LRRIQ1: variants seen among roughly 807,000 people sequenced by gnomAD.
LRRIQ1 encodes the protein leucine rich repeats and IQ motif containing 1.
LRRIQ1 carries 210 observed loss-of-function variants against 211.9 expected under a neutral mutation model. The ratio of observed to expected loss-of-function variants is 0.99; its 90% CI spans 0.89 to 1.11. The LOEUF (loss-of-function observed/expected upper bound fraction) is 1.11. LRRIQ1 is among the 50% of genes most tolerant of loss of function. LRRIQ1 has a pLI of 0.00. For missense variants in LRRIQ1, 2,136 were observed against 1,939.5 expected (o/e 1.10, Z -1.90); for synonymous variants, 699 against 650.1 (o/e 1.08, Z -1.14).
intron 4 of LRRIQ1, 141 bp downstream of exon 4, chr12:85,044,950 G>T: frequency 2.4e-6 from 1 of 412,774 alleles, no homozygotes; most frequent in Non-Finnish European, 4.4e-6. Flanking sequence ...AATCATCTGT[G>T]GTTTTATGGT....
At chr12:85,212,301 A>T (rs1893872557) in intron 24 of LRRIQ1, among the ~76,000 whole-genome samples, 1 of 152,106 alleles carries the variant, frequency 6.6e-6, no homozygotes, top group African/African-American at 2.4e-5. Context: ...AAAACAAACA[A>T]AAAACACCAC....
At position 85,066,877 on chromosome 12, in the gene LRRIQ1, T is replaced by C. The variant is rs749174792; in HGVS notation, c.2674T>C (p.Tyr892His). 8 of 1,518,186 alleles carry C rather than the reference T, an allele frequency of 5.3e-6. No individual in the cohort carries two copies. The Admixed American group carries it at 7.9e-5, about 15-fold the overall frequency. 94.0% of individuals were successfully genotyped at this position (1,518,186 alleles called of 1,614,324 possible). A position where few individuals can be genotyped will look rare whatever the true frequency, so the allele number is the denominator to read the frequency against. Residue 892 changes from tyrosine to histidine, a missense_variant, in exon 10 of 27, where the codon TAT becomes CAT. Transcript: ENST00000393217. Reference protein sequence around the residue: ...CTNIQCLELSYNKITRIGYSF... With the variant: ...CTNIQCLELSHNKITRIGYSF... Reference sequence around the variant, plus strand: ...TAATATTCAGTGTCTTGAACTTTCATATAATAAAATTACTCGAATTGGTAA... The same window carrying C: ...TAATATTCAGTGTCTTGAACTTTCACATAATAAAATTACTCGAATTGGTAA...
chr12:85,225,006 A>C (rs1461818068), intron 24 of LRRIQ1, among the ~76,000 whole-genome samples: 1 of 152,160 alleles, frequency 6.6e-6, no homozygotes, highest in Non-Finnish European at 1.5e-5. Flanking sequence ...CTCACTGAAA[A>C]ATAGGATATG....
intron 24 of LRRIQ1, among the ~76,000 whole-genome samples, chr12:85,227,692 A>C (rs1894730041): frequency 6.6e-6 from 1 of 152,188 alleles, no homozygotes; most frequent in African/African-American, 2.4e-5. Flanking sequence ...ATATGGAACC[A>C]AAAAAGAGCC....
At chr12:85,217,542 GTGTGTGTGTA>G (rs1338190427) in intron 24 of LRRIQ1, among the ~76,000 whole-genome samples, 107 of 112,444 alleles carry the variant, frequency 9.5e-4, no homozygotes, top group African/African-American at 3.5e-3. Context: ...GTGTGTGTGT[GTGTGTGTGTA>G]TATAGGTATA....
intron 11 of LRRIQ1, among the ~76,000 whole-genome samples, chr12:85,091,328 C>T (rs912025019): frequency 5.3e-5 from 8 of 152,042 alleles, no homozygotes; most frequent in African/African-American, 1.2e-4. Flanking sequence ...GTCCTTTGCG[C>T]GTGTTTTAAT....
In LRRIQ1 at chr12:85,056,373, T is replaced by G; in HGVS notation, c.1580T>G (p.Leu527Trp). Reference sequence around the variant, plus strand: ...GGAAATCTGAAAGAACAGTTTCCATTGCAAGAATTAAAGTCTGATGCACAA... The same window carrying G: ...GGAAATCTGAAAGAACAGTTTCCATGGCAAGAATTAAAGTCTGATGCACAA... ...LKGNLKEQFP[L>W]QELKSDAQKE... The change falls in exon 8 of 27, where the codon TTG becomes TGG. Residue 527 changes from leucine (L) to tryptophan (W), a missense_variant. Leu to Trp is a moderately conservative substitution (Grantham distance 61). Coordinates refer to ENST00000393217, the MANE Select transcript of LRRIQ1 (RefSeq NM_001079910.2). 6.3e-7 allele frequency: 1 copy of G among 1,591,798 alleles called. No homozygotes were observed. The highest frequency in any genetic ancestry group is 2.2e-5 in the East Asian group (1 of 44,458).
intron 24 of LRRIQ1, among the ~76,000 whole-genome samples, chr12:85,183,830 T>C (rs1476985769): frequency 6.6e-6 from 1 of 152,164 alleles, no homozygotes; most frequent in Non-Finnish European, 1.5e-5. Flanking sequence ...TGCTTACTTT[T>C]TATAGACATA....
rs189855077 is a variant in LRRIQ1 at position 85,253,663 on chromosome 12, C to T, written c.121+8754C>T. On this transcript the variant is annotated intron_variant, in intron 1 of 1. Transcript: ENST00000602731. ...TTACAGTTTTACATAAAATAGTAGG[C>T]CAAAGATGTAGACAGATAGTTCAAT... Among the ~76,000 whole-genome samples the T allele has an allele frequency of 3.3e-4, 50 of 152,004 alleles. No individual in the cohort carries two copies. The East Asian group carries it at 8.1e-3, about 25-fold the overall frequency.
At chr12:85,174,718 A>AAAAAAAAAAAAAAAAAAAAAAAAAAAAAC (rs1444443486) in intron 24 of LRRIQ1, among the ~76,000 whole-genome samples, 1 of 149,744 alleles carries the variant, frequency 6.7e-6, no homozygotes, top group Non-Finnish European at 1.5e-5. Flanking sequence ...AAAAAAAAAA[A>AAAAAAAAAAAAAAAAAAAAAAAAAAAAAC]AAAAATCTGA....
chr12:85,223,826 A>G (rs1383733098), intron 24 of LRRIQ1, among the ~76,000 whole-genome samples: 1 of 152,110 alleles, frequency 6.6e-6, no homozygotes, highest in Admixed American at 6.6e-5. Flanking sequence ...AACAAAAAAG[A>G]TATTTTACAA....
At chr12:85,165,949 T>TTA (rs1283573185) in intron 24 of LRRIQ1, among the ~76,000 whole-genome samples, 1 of 152,184 alleles carries the variant, frequency 6.6e-6, no homozygotes, top group African/African-American at 2.4e-5. Context: ...TCCTTTGGGT[T>TTA]TATACCCAGT....
chr12:85,231,348 A>C (rs1894931880), intron 25 of LRRIQ1, among the ~76,000 whole-genome samples: 1 of 152,230 alleles, frequency 6.6e-6, no homozygotes, highest in Non-Finnish European at 1.5e-5. Context: ...TCAGATTGTA[A>C]TGTGAACAGA....
At chr12:85,187,137 A>G (rs1892264133) in intron 24 of LRRIQ1, among the ~76,000 whole-genome samples, 4 of 152,156 alleles carry the variant, frequency 2.6e-5, no homozygotes. Flanking sequence ...ATGGGAACCC[A>G]TACATCAGTA....
At chr12:85,154,118 T>A in intron 23 of LRRIQ1, 24 bp downstream of exon 23, 1 of 1,316,802 alleles carries the variant, frequency 7.6e-7, no homozygotes, top group South Asian at 1.6e-5. Context: ...GCTCTTTGAA[T>A]AATAACTGTG....
intron 8 of LRRIQ1, among the ~76,000 whole-genome samples, chr12:85,063,175 C>G (rs184124700): frequency 4.4e-4 from 66 of 150,904 alleles, no homozygotes; most frequent in Admixed American, 1.1e-3. Context: ...AATAGTTTCT[C>G]TAGCCGTGCA....
chr12:85,186,546 G>T (rs1210181293), intron 24 of LRRIQ1, among the ~76,000 whole-genome samples: 1 of 152,098 alleles, frequency 6.6e-6, no homozygotes, highest in Non-Finnish European at 1.5e-5. Flanking sequence ...CCTTTAGTCT[G>T]AGTAACATAT....
At chr12:85,206,409 G>C (rs1406275475) in intron 24 of LRRIQ1, among the ~76,000 whole-genome samples, 1 of 152,170 alleles carries the variant, frequency 6.6e-6, no homozygotes, top group Non-Finnish European at 1.5e-5. Flanking sequence ...CAGGGCCACT[G>C]GTGTCTGTGT....
intron 24 of LRRIQ1, among the ~76,000 whole-genome samples, chr12:85,221,697 A>G (rs187067608): frequency 1.6e-4 from 24 of 152,302 alleles, no homozygotes; most frequent in Admixed American, 5.9e-4. Flanking sequence ...GGCAAAAGAG[A>G]ACATTTGGGG....
Sources: allele counts gnomAD v4.1 joint callset (sites outside exome capture counted in the v4.1 genomes callset), GRCh38; gene constraint gnomAD v4.1.1; transcripts MANE v1.5; gene names NCBI Gene and HGNC (gene_info 2026-07-23, HGNC 2026-07-21).